Variants in CACNB2 observed in about 807,000 individuals in gnomAD.
The protein encoded by CACNB2 is voltage-dependent L-type calcium channel subunit beta-2.
A neutral mutation model predicts 73.3 loss-of-function variants in CACNB2; 42 were observed. The ratio of observed to expected loss-of-function variants is 0.57; its 90% CI spans 0.45 to 0.74. The LOEUF is 0.74. Among genes scored for constraint, CACNB2 ranks in the 30% least tolerant of loss-of-function variants. The pLI is 0.00. For missense variants in CACNB2, 940 were observed against 853.0 expected, an observed-to-expected ratio of 1.10 and a Z score of -1.27; for synonymous variants, 348 against 310.3, an observed-to-expected ratio of 1.12 and a Z score of -1.28.
At chr10:18,537,102 C>T (rs1000229477) in intron 12 of CACNB2, among the ~76,000 whole-genome samples, 2 of 152,092 alleles carry the variant, frequency 1.3e-5, no homozygotes, top group Non-Finnish European at 2.9e-5. Context: ...ATCCTCCCAC[C>T]TCGGCCCTCC....
At chr10:18,466,921 G>A (rs775717273) in intron 3 of CACNB2, among the ~76,000 whole-genome samples, 10 of 152,186 alleles carry the variant, frequency 6.6e-5, no homozygotes, top group Non-Finnish European at 1.2e-4. Context: ...TTGGGAGGCC[G>A]AGACGGGCGG....
At chr10:18,452,159 C>T (rs950569292) in intron 3 of CACNB2, among the ~76,000 whole-genome samples, 3 of 152,196 alleles carry the variant, frequency 2.0e-5, no homozygotes, top group Admixed American at 1.3e-4. Context: ...CATAGCGATG[C>T]ACACCTTTAA....
At chr10:18,250,674 C>T (rs1034606294) in intron 2 of CACNB2, among the ~76,000 whole-genome samples, 1 of 152,130 alleles carries the variant, frequency 6.6e-6, no homozygotes, top group Non-Finnish European at 1.5e-5. Flanking sequence ...CACTGTACAG[C>T]CTAGTGGTAG....
intron 2 of CACNB2, among the ~76,000 whole-genome samples, chr10:18,293,955 C>A (rs999516648): frequency 3.3e-5 from 5 of 152,192 alleles, no homozygotes; most frequent in South Asian, 2.1e-4. Flanking sequence ...CGTTTCCCTG[C>A]ATTTTTTGGC....
At chr10:18,160,090 G>A (rs1353054476) in intron 2 of CACNB2, among the ~76,000 whole-genome samples, 1 of 152,034 alleles carries the variant, frequency 6.6e-6, no homozygotes, top group East Asian at 1.9e-4. Context: ...GGAGATATAG[G>A]TACTTTAGAA....
At chr10:18,147,212 A>G (rs2031076176) in intron 1 of CACNB2, among the ~76,000 whole-genome samples, 2 of 152,226 alleles carry the variant, frequency 1.3e-5, no homozygotes, top group South Asian at 4.1e-4. Flanking sequence ...CTTCGTGTCA[A>G]GGAAGATGGA....
chr10:18,538,370 G>C lies in CACNB2; in HGVS notation c.1488+5G>C, dbSNP rs2053809542. The C allele has an allele frequency of 6.2e-7, 1 of 1,606,274 alleles. No individual in the cohort carries two copies. The highest frequency in any genetic ancestry group is 8.5e-7 in the Non-Finnish European group (1 of 1,172,576). On this transcript the variant is annotated splice_donor_5th_base_variant and intron_variant, in intron 13 of 13. Transcript: ENST00000324631. ...ACCCTAGCCTCTAATTCACAGGTAA[G>C]GGGAGTTTTTATATATATCTATATA...
chr10:18,510,935 C>G (rs926580710), intron 6 of CACNB2, among the ~76,000 whole-genome samples: 8 of 152,182 alleles, frequency 5.3e-5, no homozygotes, highest in Non-Finnish European at 8.8e-5. Flanking sequence ...TGACAACATG[C>G]TGCTTGAGTT....
At chr10:18,456,319 C>T (rs139502339) in intron 3 of CACNB2, among the ~76,000 whole-genome samples, 1 of 151,974 alleles carries the variant, frequency 6.6e-6, no homozygotes, top group Non-Finnish European at 1.5e-5. Flanking sequence ...GAAAATTAGC[C>T]AGGTGTGGTG....
At chr10:18,245,922 A>G (rs1012821663) in intron 2 of CACNB2, among the ~76,000 whole-genome samples, 6 of 152,186 alleles carry the variant, frequency 3.9e-5, no homozygotes, top group African/African-American at 1.4e-4. Context: ...GAAGCAATCG[A>G]TGGGCATCAG....
intron 2 of CACNB2, chr10:18,340,765 C>T: frequency 1.3e-6 from 2 of 1,536,954 alleles, no homozygotes; most frequent in Non-Finnish European, 1.7e-6. Flanking sequence ...TAGAAAGTCA[C>T]ACTAACTAAG....
intron 3 of CACNB2, among the ~76,000 whole-genome samples, chr10:18,466,447 G>C (rs902587323): frequency 6.6e-6 from 1 of 151,898 alleles, no homozygotes; most frequent in African/African-American, 2.4e-5. Flanking sequence ...TGCCCAGGCT[G>C]GTCTCAAACT....
intron 2 of CACNB2, among the ~76,000 whole-genome samples, chr10:18,226,000 CT>C (rs916501005): frequency 6.0e-5 from 9 of 150,362 alleles, no homozygotes; most frequent in African/African-American, 1.7e-4. Context: ...ATGAGAGATG[CT>C]TTTTTTTAAT....
chr10:18,536,142 T>TAAAC lies in CACNB2; in HGVS notation c.1250_1253dup (p.His418GlnfsTer11). The TAAAC allele has an allele frequency of 6.3e-7, 1 of 1,598,278 alleles. No homozygotes were observed. The highest frequency in any genetic ancestry group is 8.5e-7 in the Non-Finnish European group (1 of 1,171,188). The stretch of plus-strand genomic sequence containing the variant: ...TAAAATCTCGAGGGAAATCTCAAGC[T>TAAAC]AAACACCTCAACGTCCAGATGGTAG... On this transcript the variant is annotated frameshift_variant, in exon 12 of 14. Coordinates refer to ENST00000324631, the MANE Select transcript of CACNB2 (RefSeq NM_201596.3). LOFTEE classifies it high-confidence loss of function.
chr10:18,300,578 T>C (rs2039468231), intron 2 of CACNB2, among the ~76,000 whole-genome samples: 2 of 152,264 alleles, frequency 1.3e-5, no homozygotes, highest in African/African-American at 4.8e-5. Flanking sequence ...TAGGTGTTTG[T>C]TATGCCTTTT....
At chr10:18,180,012 G>C (rs923307100) in intron 2 of CACNB2, among the ~76,000 whole-genome samples, 1 of 152,132 alleles carries the variant, frequency 6.6e-6, no homozygotes, top group South Asian at 2.1e-4. Context: ...ATGACTACAG[G>C]TCTGCTTCCT....
intron 3 of CACNB2, among the ~76,000 whole-genome samples, chr10:18,474,844 C>T (rs771165208): frequency 5.3e-5 from 8 of 151,852 alleles, no homozygotes; most frequent in African/African-American, 1.9e-4. Flanking sequence ...TCAATTCTGA[C>T]CTTATCTACC....
At chr10:18,149,349 A>G (rs2031302484) in intron 1 of CACNB2, among the ~76,000 whole-genome samples, 1 of 152,246 alleles carries the variant, frequency 6.6e-6, no homozygotes, top group African/African-American at 2.4e-5. Context: ...AGTAAAAAGA[A>G]TGAGCTGTTA....
chr10:18,182,157 G>A (rs747011486), intron 2 of CACNB2: 3 of 151,988 alleles, frequency 2.0e-5, no homozygotes, highest in Non-Finnish European at 4.4e-5. Context: ...TTATGTCTGG[G>A]GTGTTTATCA....
Sources: allele counts gnomAD v4.1 joint callset (sites outside exome capture counted in the v4.1 genomes callset), GRCh38; gene constraint gnomAD v4.1.1; transcripts MANE v1.5; gene names NCBI Gene and HGNC (gene_info 2026-07-23, HGNC 2026-07-21).